The following TMEM254 variants were observed in gnomAD, a reference collection of about 807,000 sequenced individuals.
The protein encoded by TMEM254 is transmembrane protein 254, also known as transmembrane protein C10orf57.
Under a neutral mutation model 13.9 loss-of-function variants are expected in TMEM254, and 16 were observed. The ratio of observed to expected loss-of-function variants is 1.15; its 90% CI spans 0.78 to 1.75. The LOEUF is 1.75. Ranked by LOEUF, TMEM254 falls within the 40% of genes most tolerant of loss-of-function variation. The probability of loss-of-function intolerance (pLI) is 0.00; values close to 1 mark genes in which losing one functional copy is unlikely to be tolerated. For synonymous variants in TMEM254, 61 were observed against 56.4 expected (o/e 1.08, Z -0.36); for missense variants, 155 against 149.0 (o/e 1.04, Z -0.21).
At chr10:80,090,068 A>C (rs11201633) in intron 3 of TMEM254, among the ~76,000 whole-genome samples, 23,425 of 151,630 alleles carry the variant, frequency 0.15, 2,090 homozygotes, top group East Asian at 0.4. Flanking sequence ...TATTCATATG[A>C]TCTTTCTGTT....
intron 3 of TMEM254, among the ~76,000 whole-genome samples, chr10:80,088,991 GTTTCA>G (rs57620400): frequency 0.11 from 16,221 of 151,238 alleles, 1,036 homozygotes; most frequent in South Asian, 0.21. Context: ...GGCTCCCTTT[GTTTCA>G]TTTCATTTTC....
intron 2 of TMEM254, 87 bp from the exon 3 acceptor site, chr10:80,082,058 G>C: frequency 6.3e-7 from 1 of 1,575,130 alleles, no homozygotes; most frequent in Non-Finnish European, 8.7e-7. Flanking sequence ...TCACCTTAAG[G>C]CACTTTTCTT....
intron 1 of TMEM254, among the ~76,000 whole-genome samples, chr10:80,081,008 AG>A (rs1843986045): frequency 6.6e-6 from 1 of 152,138 alleles, no homozygotes; most frequent in Non-Finnish European, 1.5e-5. Context: ...TGAATCCGCG[AG>A]GCGGAGGTTA....
chr10:80,081,545 G>T, intron 1 of TMEM254: 1 of 724,614 alleles, frequency 1.4e-6, no homozygotes, highest in East Asian at 2.7e-5. Context: ...GCACACACGT[G>T]TAGTCCCATC....
intron 3 of TMEM254, among the ~76,000 whole-genome samples, chr10:80,084,283 T>A (rs1844203102): frequency 6.6e-6 from 1 of 152,214 alleles, no homozygotes; most frequent in African/African-American, 2.4e-5. Flanking sequence ...CCCTCCAGCA[T>A]GCCACTTGCA....
rs547604511 is a variant in TMEM254 at position 80,079,684 on chromosome 10, C to G, written c.87+898C>G. The G allele has an allele frequency of 2.9e-5, 29 of 985,574 alleles. No individual in the cohort carries two copies. The African/African-American group carries it at 4.9e-4, about 17-fold the overall frequency. The allele number at this position is 985,574 out of a possible 1,614,324, so 61.1% of individuals were successfully genotyped here. ...TGTTTAAAGGATAACGAGAAAGATG[C>G]GTGGAAAAGTAGGTTGGGGGCTAAG... On this transcript the variant is annotated intron_variant, in intron 1 of 3. Transcript: ENST00000372281.
chr10:80,085,315 T>C (rs1398296168), intron 3 of TMEM254, among the ~76,000 whole-genome samples: 4 of 151,972 alleles, frequency 2.6e-5, no homozygotes, highest in Non-Finnish European at 5.9e-5. Context: ...ATCTCAGCAC[T>C]TGGGGAGGCT....
In TMEM254 at chr10:80,090,891, A is replaced by C; in HGVS notation, c.346A>C (p.Lys116Gln). The C allele has an allele frequency of 6.2e-7, 1 of 1,614,030 alleles. No individual in the cohort carries two copies. The highest frequency in any genetic ancestry group is 8.5e-7 in the Non-Finnish European group (1 of 1,179,954). The change falls in exon 4 of 4, where the codon AAA (lysine) becomes CAA (glutamine). Residue 116 changes from lysine (K) to glutamine (Q), a missense_variant. Coordinates refer to ENST00000372281, the MANE Select transcript of TMEM254 (RefSeq NM_025125.4). ...GTCTCTCACCATCTTGATTGCTTAC[A>C]AACGGAAGCGCCAAAAACAAACTTG... ...IASLTILIAYKRKRQKQT is the reference protein window; with the variant it reads ...IASLTILIAYQRKRQKQT
chr10:80,079,648 G>A lies in TMEM254; in HGVS notation c.87+862G>A, dbSNP rs915786352. On this transcript the variant is annotated intron_variant, in intron 1 of 3. Coordinates refer to ENST00000372281, the MANE Select transcript of TMEM254 (RefSeq NM_025125.4). ...GAAAAAGAGCGACGTTTGTTTGGCT[G>A]AGAAATAATCTGTTTAAAGGATAAC... 1.0e-5 allele frequency: 10 copies of A among 987,062 alleles called. No individual in the cohort carries two copies. The African/African-American group carries it at 1.2e-4, about 12-fold the overall frequency. 61.1% of individuals were successfully genotyped at this position (987,062 alleles called of 1,614,324 possible).
rs778049960 is a variant in TMEM254 at position 80,082,151 on chromosome 10, G to T, written c.198G>T (p.Trp66Cys). ...HHHTLLCNGY[W>C]LAWLIHVGES... is the part of the protein sequence containing the mutation. ...ACCTTTTTTTTGGTTTCAGGTATTG[G>T]CTTGCCTGGCTGATTCATGTGGGAG... The change falls in exon 3 of 4, where the codon TGG (tryptophan) becomes TGT (cysteine). Residue 66 changes from tryptophan to cysteine, a missense_variant. Trp to Cys is a radical substitution (Grantham distance 215). Transcript: ENST00000372281. The T allele has an allele frequency of 1.4e-5, 22 of 1,614,162 alleles. No homozygotes were observed. The South Asian group carries it at 2.4e-4, about 18-fold the overall frequency.
intron 1 of TMEM254, chr10:80,079,218 T>G (rs1199724984): frequency 2.5e-5 from 32 of 1,272,184 alleles, no homozygotes; most frequent in Non-Finnish European, 3.2e-5. Flanking sequence ...CGGGCCTCTG[T>G]TTTGGCCCGC....
chr10:80,079,045 G>T, intron 1 of TMEM254: 1 of 1,496,864 alleles, frequency 6.7e-7, no homozygotes, highest in Non-Finnish European at 9.0e-7. Flanking sequence ...GGGACGGCTG[G>T]GGAGCTCCCA....
intron 1 of TMEM254, 200 bp from the exon 2 acceptor site, chr10:80,081,641 C>T: frequency 1.3e-6 from 2 of 1,513,800 alleles, no homozygotes; most frequent in Non-Finnish European, 1.8e-6. Flanking sequence ...GCACTCCAGC[C>T]CCAGCAGCGG....
At chr10:80,081,620 A>G in intron 1 of TMEM254, 1 of 1,452,368 alleles carries the variant, frequency 6.9e-7, no homozygotes, top group East Asian at 2.5e-5. Context: ...GTGAGTCATG[A>G]TCATGCCACT....
At chr10:80,088,811 T>C (rs1844440250) in intron 3 of TMEM254, among the ~76,000 whole-genome samples, 1 of 150,336 alleles carries the variant, frequency 6.7e-6, no homozygotes. Context: ...TTGCCAAGGC[T>C]GATGTCAAAC....
In TMEM254 at chr10:80,078,690, T is replaced by C. The variant is rs1355123918; in HGVS notation, c.-10T>C. The stretch of plus-strand genomic sequence containing the variant: ...GTCCTGAAGCGCGCTCCCGGGGAGG[T>C]GTTGCAGCCATGGCTACGGCAGCCG... On this transcript the variant is annotated 5_prime_UTR_variant, in exon 1 of 4. Coordinates refer to ENST00000372281, the MANE Select transcript of TMEM254 (RefSeq NM_025125.4). 5 of 1,590,396 alleles carry C rather than the reference T, an allele frequency of 3.1e-6. No individual in the cohort carries two copies. The highest frequency in any genetic ancestry group is 3.4e-6 in the Non-Finnish European group (4 of 1,171,414).
intron 1 of TMEM254, 26 bp downstream of exon 1, chr10:80,078,812 G>C (rs188953443): frequency 1.3e-6 from 2 of 1,579,482 alleles, no homozygotes; most frequent in East Asian, 4.7e-5. Flanking sequence ...GGAGCGCTAC[G>C]GTCTGACGAA....
intron 1 of TMEM254, chr10:80,079,381 G>A: frequency 8.8e-7 from 1 of 1,140,534 alleles, no homozygotes; most frequent in South Asian, 1.9e-5. Context: ...CCTCACCTCT[G>A]CATGGTTACT....
At chr10:80,080,773 TAC>T (rs35188589) in intron 1 of TMEM254, among the ~76,000 whole-genome samples, 2 of 150,088 alleles carry the variant, frequency 1.3e-5, no homozygotes, top group African/African-American at 2.4e-5. Context: ...ACCTCATCTC[TAC>T]ACACACACAC....
Sources: allele counts gnomAD v4.1 joint callset (sites outside exome capture counted in the v4.1 genomes callset), GRCh38; gene constraint gnomAD v4.1.1; transcripts MANE v1.5; gene names NCBI Gene and HGNC (gene_info 2026-07-23, HGNC 2026-07-21).